The following SDCBP variants were observed in gnomAD, a reference collection of about 807,000 sequenced individuals.
SDCBP encodes the protein syntenin-1.
SDCBP carries 22 observed loss-of-function variants against 30.5 expected under a neutral mutation model. That is an observed-to-expected ratio of 0.72 (90% CI 0.52 to 1.03). The LOEUF (loss-of-function observed/expected upper bound fraction) is 1.03. Ranked by LOEUF, SDCBP falls within the 50% of genes least tolerant of loss-of-function variation. The probability of loss-of-function intolerance (pLI) is 0.00; values close to 1 mark genes in which losing one functional copy is unlikely to be tolerated. For missense variants in SDCBP, 304 were observed against 369.9 expected, an observed-to-expected ratio of 0.82 and a Z score of 1.46; for synonymous variants, 103 against 118.7, an observed-to-expected ratio of 0.87 and a Z score of 0.86.
intron 1 of SDCBP, among the ~76,000 whole-genome samples, chr8:58,557,130 A>G (rs1420354435): frequency 1.7e-5 from 2 of 114,522 alleles, no homozygotes; most frequent in African/African-American, 3.9e-5. Context: ...ACAATATAGT[A>G]TATATTATAT....
intron 1 of SDCBP, among the ~76,000 whole-genome samples, chr8:58,563,559 T>C (rs1804546878): frequency 6.7e-6 from 1 of 150,056 alleles, no homozygotes; most frequent in African/African-American, 2.5e-5. Flanking sequence ...TTTTAGAGTG[T>C]GTGAATTAAA....
At chr8:58,579,491 G>A (rs1706905461) in intron 6 of SDCBP, 132 bp from the exon 7 acceptor site, 1 of 577,172 alleles carries the variant, frequency 1.7e-6, no homozygotes, top group Non-Finnish European at 2.7e-6. Context: ...TAAAATCAGA[G>A]CCATAAGTTG....
At chr8:58,576,604 A>G (rs1045009724) in intron 5 of SDCBP, among the ~76,000 whole-genome samples, 12 of 152,186 alleles carry the variant, frequency 7.9e-5, no homozygotes. Context: ...TGAATTTAAT[A>G]TGTCATTTTC....
At chr8:58,574,674 T>C (rs1200732116) in intron 4 of SDCBP, among the ~76,000 whole-genome samples, 1 of 152,232 alleles carries the variant, frequency 6.6e-6, no homozygotes, top group African/African-American at 2.4e-5. Flanking sequence ...TCTCTTGATG[T>C]TCCATCTGGA....
In SDCBP at chr8:58,575,946, T is replaced by C; in HGVS notation, c.287T>C (p.Val96Ala). 1 of 1,613,638 alleles carries C rather than the reference T, an allele frequency of 6.2e-7. No homozygotes were observed. The highest frequency in any genetic ancestry group is 8.5e-7 in the Non-Finnish European group (1 of 1,179,652). The change falls in exon 5 of 9, where the codon GTA (valine) becomes GCA (alanine). Residue 96 changes from valine (V) to alanine (A), a missense_variant. Transcript: ENST00000260130. ...AGTATAAACTATATGGTGGCTCCTG[T>C]AACTGGTAATGATGTTGGAATTCGT... ...PSSINYMVAP[V>A]TGNDVGIRRA...
At chr8:58,565,418 A>G (rs1804654764) in intron 2 of SDCBP, among the ~76,000 whole-genome samples, 1 of 152,118 alleles carries the variant, frequency 6.6e-6, no homozygotes, top group Non-Finnish European at 1.5e-5. Context: ...TAAAATTGGT[A>G]TATTTTTCTT....
rs1242995193 is a variant in SDCBP at position 58,570,950 on chromosome 8, A to G, written c.115A>G (p.Ile39Val). 1.9e-6 allele frequency: 3 copies of G among 1,610,688 alleles called. No individual in the cohort carries two copies. The highest frequency in any genetic ancestry group is 1.7e-5 in the Admixed American group (1 of 60,006). The change falls in exon 3 of 9, where the codon ATC (isoleucine) becomes GTC (valine). Residue 39 changes from isoleucine to valine, a missense_variant. Physicochemically the swap from Ile to Val is conservative, Grantham distance 29. Coordinates refer to ENST00000260130, the MANE Select transcript of SDCBP (RefSeq NM_005625.4). ...PAILSEASAP[I>V]PHDGNLYPRL... ...AATTTTGTCAGAAGCTTCTGCTCCT[A>G]TCCCTCACGATGGAAGTAGGTTTAT...
chr8:58,576,148 T>C (rs1805303381), intron 5 of SDCBP, 87 bp downstream of exon 5: 15 of 1,014,622 alleles, frequency 1.5e-5, no homozygotes, highest in Middle Eastern at 2.1e-4. Flanking sequence ...ATGGAAATGC[T>C]TTAATTATAA....
intron 4 of SDCBP, among the ~76,000 whole-genome samples, chr8:58,575,259 A>G (rs909292828): frequency 2.6e-5 from 4 of 152,180 alleles, no homozygotes; most frequent in African/African-American, 9.7e-5. Flanking sequence ...GAAAGGTTCC[A>G]CTTAAAATAA....
rs994055478 is a variant in SDCBP at position 58,557,398 on chromosome 8, TATA to T, written c.-16+4102_-16+4104del. Reference sequence around the variant, plus strand: ...AATATAAAAATATTTATATTTAAAATATAATAATATAATGTAATATAATATATA... The same window carrying T: ...AATATAAAAATATTTATATTTAAAATATAATATAATGTAATATAATATATA... On this transcript the variant is annotated intron_variant, in intron 1 of 8. Coordinates refer to ENST00000260130, the MANE Select transcript of SDCBP (RefSeq NM_005625.4). Among the ~76,000 whole-genome samples, 123 of 115,880 alleles carry T rather than the reference TATA, an allele frequency of 1.1e-3. No homozygotes were observed. In the Admixed American group the frequency reaches 0.011, roughly 10 times the overall value. The allele number at this position is 115,880 out of a possible 152,430, so 76.0% of individuals were successfully genotyped here. A position where few individuals can be genotyped will look rare whatever the true frequency, so the allele number is the denominator to read the frequency against.
intron 1 of SDCBP, among the ~76,000 whole-genome samples, chr8:58,557,005 A>G (rs1006781933): frequency 7.3e-6 from 1 of 136,334 alleles, no homozygotes; most frequent in African/African-American, 2.7e-5. Context: ...TCATACTATT[A>G]TACTATATCT....
At position 58,572,288 on chromosome 8, in the gene SDCBP, G is replaced by C; in HGVS notation, c.214G>C (p.Val72Leu). 6.2e-7 allele frequency: 1 copy of C among 1,610,660 alleles called. No homozygotes were observed. Among genetic ancestry groups the C allele is most frequent in the Non-Finnish European group, 8.5e-7 (1 of 1,177,810 alleles). ...AGAAGAAATACGTGCAAATGTGGCCGTGGTTTCTGGTGCACCACTTCAGGG... is the reference window on the plus strand; with the variant it reads ...AGAAGAAATACGTGCAAATGTGGCCCTGGTTTCTGGTGCACCACTTCAGGG... ...NEEEIRANVA[V>L]VSGAPLQGQL... Residue 72 changes from valine to leucine, a missense_variant, in exon 4 of 9, where the codon GTG becomes CTG. By Grantham distance (32) the Val-to-Leu change is conservative. Coordinates refer to ENST00000260130, the MANE Select transcript of SDCBP (RefSeq NM_005625.4).
intron 1 of SDCBP, chr8:58,561,914 A>T (rs1402526982): frequency 3.7e-6 from 2 of 545,802 alleles, no homozygotes; most frequent in Non-Finnish European, 6.5e-6. Context: ...TCAGTAATGC[A>T]GTATGGGGAT....
rs1006182348 is a variant in SDCBP at position 58,581,841 on chromosome 8, T to A, written c.*101T>A. The A allele has an allele frequency of 1.2e-5, 11 of 904,512 alleles. No homozygotes were observed. The highest frequency in any genetic ancestry group is 3.7e-6 in the Non-Finnish European group (2 of 541,424). 56.0% of individuals were successfully genotyped at this position (904,512 alleles called of 1,614,324 possible). On this transcript the variant is annotated 3_prime_UTR_variant, in exon 9 of 9. Coordinates refer to ENST00000260130, the MANE Select transcript of SDCBP (RefSeq NM_005625.4). The stretch of plus-strand genomic sequence containing the variant: ...AGCCTTCCCGGAGCCAGCGAGCATA[T>A]GCTGCATGAGGACCTTTCTATCTTA...
At chr8:58,557,106 T>C (rs576790870) in intron 1 of SDCBP, among the ~76,000 whole-genome samples, 2 of 125,852 alleles carry the variant, frequency 1.6e-5, no homozygotes, top group Admixed American at 8.6e-5. Context: ...ATATTATATA[T>C]TATACTATTA....
intron 5 of SDCBP, among the ~76,000 whole-genome samples, chr8:58,576,914 TG>T (rs1805369617): frequency 6.6e-6 from 1 of 152,210 alleles, no homozygotes; most frequent in Non-Finnish European, 1.5e-5. Flanking sequence ...CCGCCCTGCC[TG>T]CCCACCCAGG....
At chr8:58,561,156 G>A (rs1000865047) in intron 1 of SDCBP, 1 of 152,068 alleles carries the variant, frequency 6.6e-6, no homozygotes, top group African/African-American at 2.4e-5. Flanking sequence ...CTTGAAGCCA[G>A]GTCATTTGAA....
intron 2 of SDCBP, among the ~76,000 whole-genome samples, chr8:58,568,416 G>A (rs1804827339): frequency 6.6e-6 from 1 of 152,128 alleles, no homozygotes; most frequent in Non-Finnish European, 1.5e-5. Flanking sequence ...AATGGTAATA[G>A]TGCCTTCTGG....
intron 1 of SDCBP, among the ~76,000 whole-genome samples, chr8:58,562,038 T>TAC (rs1172626980): frequency 1.4e-5 from 2 of 142,598 alleles, no homozygotes; most frequent in Non-Finnish European, 3.1e-5. Context: ...CTATAGAAAA[T>TAC]ACACACACAC....
Sources: allele counts gnomAD v4.1 joint callset (sites outside exome capture counted in the v4.1 genomes callset), GRCh38; gene constraint gnomAD v4.1.1; transcripts MANE v1.5; gene names NCBI Gene and HGNC (gene_info 2026-07-23, HGNC 2026-07-21).